OVOL3: variants seen among roughly 807,000 people sequenced by gnomAD.
The protein encoded by OVOL3 is ovo like zinc finger 3.
Under a neutral mutation model 13.6 loss-of-function variants are expected in OVOL3, and 15 were observed. The observed-to-expected ratio is 1.11, with a 90% CI of 0.74 to 1.70. The LOEUF (loss-of-function observed/expected upper bound fraction) is 1.70. Among genes scored for constraint, OVOL3 ranks in the 40% most tolerant of loss-of-function variants. The pLI, the probability that OVOL3 is intolerant of heterozygous loss-of-function variation, is 0.00. For missense variants in OVOL3, 290 were observed against 280.6 expected, an observed-to-expected ratio of 1.03 and a Z score of -0.24; for synonymous variants, 102 against 108.5, an observed-to-expected ratio of 0.94 and a Z score of 0.37.
intron 2 of OVOL3, chr19:36,111,735 G>A (rs747811969): frequency 1.4e-5 from 8 of 572,786 alleles, no homozygotes; most frequent in South Asian, 1.2e-4. Context: ...CAAGGCAACA[G>A]GAGTGCGATG....
intron 2 of OVOL3, 27 bp from the exon 3 acceptor site, chr19:36,112,733 A>C: frequency 1.3e-6 from 2 of 1,513,946 alleles, no homozygotes; most frequent in Non-Finnish European, 1.8e-6. Context: ...CCAGCCAGAG[A>C]GGCTAATAAC....
chr19:36,112,094 A>G (rs1973834874), intron 2 of OVOL3, among the ~76,000 whole-genome samples: 1 of 152,048 alleles, frequency 6.6e-6, no homozygotes, highest in African/African-American at 2.4e-5. Flanking sequence ...CCAGCTCCTC[A>G]GGAGGCTGAG....
rs1333034257 is a variant in OVOL3, at chr19:36,113,441, C to T, written c.365-12C>T. Reference sequence around the variant, plus strand: ...CTCTGTCCAGCCCTCCCCTCTGCGCCCATCTGTGCAGGGATCCGGCCCTTC... The same window carrying T: ...CTCTGTCCAGCCCTCCCCTCTGCGCTCATCTGTGCAGGGATCCGGCCCTTC... On this transcript the variant is annotated splice_polypyrimidine_tract_variant and intron_variant, in intron 3 of 3. Transcript: ENST00000633214. 2 of 1,529,710 alleles carry T rather than the reference C, an allele frequency of 1.3e-6. No individual in the cohort carries two copies. Among genetic ancestry groups the T allele is most frequent in the Non-Finnish European group, 1.8e-6 (2 of 1,141,696 alleles). The allele number at this position is 1,529,710 out of a possible 1,614,324, so 94.8% of individuals were successfully genotyped here.
Position 36,113,633 on chromosome 19 carries a change from A to G in OVOL3, c.545A>G (p.Gln182Arg). ...FTSSRPDTYA[Q>R]HRALHRAA ...AGCTCCCGGCCCGACACCTACGCAC[A>G]GCACCGCGCCCTGCACCGCGCAGCC... is the stretch of plus-strand genomic sequence containing the variant. The change falls in exon 4 of 4, where the codon CAG becomes CGG. Residue 182 changes from glutamine to arginine, a missense_variant. By Grantham distance (43) the Gln-to-Arg change is conservative. Transcript: ENST00000633214. 2 of 1,546,674 alleles carry G rather than the reference A, an allele frequency of 1.3e-6. No individual in the cohort carries two copies. Among genetic ancestry groups the G allele is most frequent in the Non-Finnish European group, 1.7e-6 (2 of 1,146,674 alleles).
rs1212113062 is a variant in OVOL3 at position 36,112,905 on chromosome 19, G to A, written c.305G>A (p.Cys102Tyr). ...CCCGTGCGCCGCCACCTGTGCCGCT[G>A]TTGTGGCAAGGGCTTTCATGACGCC... ...HSPVRRHLCR[C>Y]CGKGFHDAFD... Residue 102 changes from cysteine to tyrosine, a missense_variant, in exon 3 of 4, where the codon TGT becomes TAT. By Grantham distance (194) the Cys-to-Tyr change is radical. Transcript: ENST00000633214. 14 of 1,536,280 alleles carry A rather than the reference G, an allele frequency of 9.1e-6. No individual in the cohort carries two copies. The highest frequency in any genetic ancestry group is 2.0e-5 in the Admixed American group (1 of 50,996).
chr19:36,111,644 G>A lies in OVOL3; in HGVS notation c.159+211G>A, dbSNP rs139571767. 1,014 of 689,630 alleles carry A rather than the reference G, an allele frequency of 1.5e-3. 8 individuals carry two copies. The African/African-American group carries it at 0.016, about 11-fold the overall frequency. The allele number at this position is 689,630 out of a possible 1,614,324, so 42.7% of individuals were successfully genotyped here. A position where few individuals can be genotyped will look rare whatever the true frequency, so the allele number is the denominator to read the frequency against. ...AGGTCTCACCCCAGGCACCAGGGCC[G>A]GCAGCCACAGGGATCTCTTCCAGCG... is the stretch of plus-strand genomic sequence containing the variant. On this transcript the variant is annotated intron_variant, in intron 2 of 3. Coordinates refer to ENST00000633214, the MANE Select transcript of OVOL3 (RefSeq NM_001302757.2).
Position 36,112,749 on chromosome 19 carries a change from C to T in OVOL3, c.160-11C>T. The T allele has an allele frequency of 6.5e-7, 1 of 1,530,566 alleles. No homozygotes were observed. Among genetic ancestry groups the T allele is most frequent in the Non-Finnish European group, 8.7e-7 (1 of 1,144,078 alleles). 94.8% of individuals were successfully genotyped at this position (1,530,566 alleles called of 1,614,324 possible). Reference sequence around the variant, plus strand: ...CAGCCAGAGAGGCTAATAACTCCTGCATCCCTCCAGCAGCCCACACAGGGC... The same window carrying T: ...CAGCCAGAGAGGCTAATAACTCCTGTATCCCTCCAGCAGCCCACACAGGGC... On this transcript the variant is annotated splice_polypyrimidine_tract_variant and intron_variant, in intron 2 of 3. Coordinates refer to ENST00000633214, the MANE Select transcript of OVOL3 (RefSeq NM_001302757.2).
intron 2 of OVOL3, 182 bp downstream of exon 2, chr19:36,111,615 T>C (rs1973820206): frequency 1.4e-6 from 1 of 730,586 alleles, no homozygotes; most frequent in Non-Finnish European, 2.4e-6. Flanking sequence ...AGCTCTCTAC[T>C]GTTAGGTCTC....
chr19:36,111,517 C>T (rs1436460921), intron 2 of OVOL3, 84 bp downstream of exon 2: 1 of 1,378,988 alleles, frequency 7.3e-7, no homozygotes, highest in East Asian at 2.5e-5. Flanking sequence ...CCCTTGCTCC[C>T]CCGACCCATC....
In OVOL3 at chr19:36,112,890, G is replaced by C; in HGVS notation, c.290G>C (p.Arg97Pro). 6.5e-7 allele frequency: 1 copy of C among 1,536,148 alleles called. No individual in the cohort carries two copies. The part of the protein sequence containing the change: ...RHLKCHSPVR[R>P]HLCRCCGKGF... ...CTCAAGTGCCACAGCCCCGTGCGCC[G>C]CCACCTGTGCCGCTGTTGTGGCAAG... Residue 97 changes from arginine to proline, a missense_variant, in exon 3 of 4, where the codon CGC (arginine) becomes CCC (proline). Arg to Pro is a moderately radical substitution (Grantham distance 103). Transcript: ENST00000633214.
intron 2 of OVOL3, 153 bp downstream of exon 2, chr19:36,111,586 C>A: frequency 1.3e-6 from 1 of 797,854 alleles, no homozygotes; most frequent in Non-Finnish European, 2.1e-6. Flanking sequence ...TTGGGAATGC[C>A]TCTCCTTTCC....
chr19:36,113,019 G>C, intron 3 of OVOL3, 55 bp downstream of exon 3: 1 of 1,487,812 alleles, frequency 6.7e-7, no homozygotes, highest in Non-Finnish European at 9.0e-7. Flanking sequence ...GGGATGGAAG[G>C]AAATGGAGAG....
At position 36,112,967 on chromosome 19, in the gene OVOL3, G is replaced by A. The variant is rs1161511552; in HGVS notation, c.364+3G>A. The A allele has an allele frequency of 1.3e-6, 2 of 1,535,448 alleles. No individual in the cohort carries two copies. The highest frequency in any genetic ancestry group is 8.7e-7 in the Non-Finnish European group (1 of 1,146,272). ...GCGCCACATGAGGACTCACACTGGTGAGCAGTGGCAGGGACAGGGAAAAGT... is the reference window on the plus strand; with the variant it reads ...GCGCCACATGAGGACTCACACTGGTAAGCAGTGGCAGGGACAGGGAAAAGT... On this transcript the variant is annotated splice_donor_region_variant and intron_variant, in intron 3 of 3. Transcript: ENST00000633214.
At chr19:36,111,749 G>A (rs560138083) in intron 2 of OVOL3, 1 of 549,588 alleles carries the variant, frequency 1.8e-6, no homozygotes, top group Admixed American at 2.2e-5. Context: ...TGCGATGGGA[G>A]ATAAGGGCTT....
intron 2 of OVOL3, chr19:36,111,753 AG>A (rs1262561346): frequency 3.7e-6 from 2 of 541,270 alleles, no homozygotes; most frequent in Non-Finnish European, 7.1e-6. Context: ...ATGGGAGATA[AG>A]GGCTTTTTCA....
At chr19:36,112,162 C>T (rs61496921) in intron 2 of OVOL3, among the ~76,000 whole-genome samples, 19,904 of 151,882 alleles carry the variant, frequency 0.13, 1,645 homozygotes, top group African/African-American at 0.23. Context: ...GCCGAGTCTG[C>T]GCCACTGCAC....
At chr19:36,112,659 C>T in intron 2 of OVOL3, 101 bp from the exon 3 acceptor site, 2 of 1,118,094 alleles carry the variant, frequency 1.8e-6, no homozygotes, top group Non-Finnish European at 2.5e-6. Context: ...CTTCCTAATC[C>T]TCCGTGGTGG....
At chr19:36,111,481 CTCT>C in intron 2 of OVOL3, 48 bp downstream of exon 2, 2 of 1,520,736 alleles carry the variant, frequency 1.3e-6, no homozygotes, top group Non-Finnish European at 1.8e-6. Context: ...CTCCTGCCTG[CTCT>C]CAGCCTTAAT....
chr19:36,111,795 C>T, intron 2 of OVOL3: 1 of 490,456 alleles, frequency 2.0e-6, no homozygotes, highest in Non-Finnish European at 4.0e-6. Context: ...AGGAAAGCGC[C>T]AGCCGGAATG....
Sources: allele counts gnomAD v4.1 joint callset (sites outside exome capture counted in the v4.1 genomes callset), GRCh38; gene constraint gnomAD v4.1.1; transcripts MANE v1.5; gene names NCBI Gene and HGNC (gene_info 2026-07-23, HGNC 2026-07-21).